Variants in NOS1AP observed in about 807,000 individuals in gnomAD.
NOS1AP encodes the protein nitric oxide synthase 1 adaptor protein.
Under a neutral mutation model 56.2 loss-of-function variants are expected in NOS1AP, and 21 were observed. The observed-to-expected ratio is 0.37, with a 90% CI of 0.26 to 0.54. NOS1AP has a LOEUF of 0.54. Among genes scored for constraint, NOS1AP ranks in the 20% least tolerant of loss-of-function variants. NOS1AP has a pLI of 0.84. For missense variants in NOS1AP, 522 were observed against 657.8 expected (o/e 0.79, Z 2.26); for synonymous variants, 270 against 274.6 (o/e 0.98, Z 0.17).
intron 1 of NOS1AP, among the ~76,000 whole-genome samples, chr1:162,084,767 A>G (rs1691967241): frequency 6.6e-6 from 1 of 151,910 alleles, no homozygotes; most frequent in Non-Finnish European, 1.5e-5. Flanking sequence ...ATGAAGCCTC[A>G]ACCTCCCAGG....
intron 2 of NOS1AP, among the ~76,000 whole-genome samples, chr1:162,285,505 A>G (rs1655061408): frequency 6.6e-6 from 1 of 152,190 alleles, no homozygotes; most frequent in African/African-American, 2.4e-5. Flanking sequence ...GTGCATGCCA[A>G]TCAAACCAAC....
chr1:162,259,997 T>A (rs1171691693), intron 2 of NOS1AP, among the ~76,000 whole-genome samples: 1 of 152,148 alleles, frequency 6.6e-6, no homozygotes, highest in Admixed American at 6.6e-5. Context: ...TCTTTTAGAA[T>A]CCCTTCTAGT....
intron 1 of NOS1AP, among the ~76,000 whole-genome samples, chr1:162,138,639 G>A (rs1649104452): frequency 6.6e-6 from 1 of 152,144 alleles, no homozygotes; most frequent in African/African-American, 2.4e-5. Flanking sequence ...CCATCCAGAA[G>A]GACTGAGCTT....
chr1:162,337,744 C>T (rs1282238672), intron 5 of NOS1AP, among the ~76,000 whole-genome samples: 1 of 152,144 alleles, frequency 6.6e-6, no homozygotes, highest in Non-Finnish European at 1.5e-5. Flanking sequence ...TGCAGTATGT[C>T]CTGTCAATGT....
chr1:162,137,682 GA>G (rs1406710164), intron 1 of NOS1AP, among the ~76,000 whole-genome samples: 1 of 151,954 alleles, frequency 6.6e-6, no homozygotes, highest in Non-Finnish European at 1.5e-5. Context: ...TCTGACGGAT[GA>G]AAAAACTCAT....
rs931182088 is a variant in NOS1AP at position 162,154,574 on chromosome 1, A to G, written c.177+98A>G. ...TGGAGGGGCCAAAATGGATGGCTAC[A>G]CCCCTTGCAAACCCAAACTCCTCCT... On this transcript the variant is annotated intron_variant, in intron 2 of 9. Coordinates refer to ENST00000361897, the MANE Select transcript of NOS1AP (RefSeq NM_014697.3). 1.0e-5 allele frequency: 11 copies of G among 1,098,052 alleles called. No individual in the cohort carries two copies. The African/African-American group carries it at 1.7e-4, about 17-fold the overall frequency. The allele number at this position is 1,098,052 out of a possible 1,614,324, so 68.0% of individuals were successfully genotyped here. A position where few individuals can be genotyped will look rare whatever the true frequency, so the allele number is the denominator to read the frequency against.
At chr1:162,319,651 G>T (rs1182227540) in intron 4 of NOS1AP, among the ~76,000 whole-genome samples, 4 of 151,990 alleles carry the variant, frequency 2.6e-5, no homozygotes. Flanking sequence ...TCCCAGATCT[G>T]CTCAGCAGCC....
At chr1:162,296,094 C>T (rs1266871075) in intron 3 of NOS1AP, among the ~76,000 whole-genome samples, 2 of 152,154 alleles carry the variant, frequency 1.3e-5, no homozygotes, top group Non-Finnish European at 2.9e-5. Flanking sequence ...CAAGACCAAC[C>T]TGGCCAACAT....
chr1:162,297,150 C>T (rs898804597), intron 3 of NOS1AP, among the ~76,000 whole-genome samples: 3 of 152,218 alleles, frequency 2.0e-5, no homozygotes, highest in Admixed American at 2.0e-4. Flanking sequence ...TTCAGACCCT[C>T]TTTGGGGCTG....
At chr1:162,096,148 C>T (rs1211639531) in intron 1 of NOS1AP, among the ~76,000 whole-genome samples, 2 of 152,202 alleles carry the variant, frequency 1.3e-5, no homozygotes, top group African/African-American at 4.8e-5. Flanking sequence ...ATTAATCAAG[C>T]ATCTCCTAAG....
chr1:162,348,109 G>A (rs547659776), intron 6 of NOS1AP, among the ~76,000 whole-genome samples: 4 of 152,290 alleles, frequency 2.6e-5, no homozygotes, highest in African/African-American at 7.2e-5. Flanking sequence ...GGGAGGGTAG[G>A]GACTTCCTAG....
chr1:162,352,106 C>T (rs1177543013), intron 6 of NOS1AP, among the ~76,000 whole-genome samples: 1 of 151,934 alleles, frequency 6.6e-6, no homozygotes, highest in East Asian at 1.9e-4. Flanking sequence ...ATTGCCCAGG[C>T]TGGAGTGCAG....
chr1:162,289,464 CTTTTCTTTTTTTTT>C (rs1655214077), intron 3 of NOS1AP, among the ~76,000 whole-genome samples: 1 of 45,050 alleles, frequency 2.2e-5, no homozygotes, highest in Non-Finnish European at 4.0e-5. Context: ...CGCCCAGCTA[CTTTTCTTTTTTTTT>C]TTTTTTTTTT....
chr1:162,082,568 G>T (rs951551238), intron 1 of NOS1AP, among the ~76,000 whole-genome samples: 3 of 152,124 alleles, frequency 2.0e-5, no homozygotes, highest in Admixed American at 1.3e-4. Flanking sequence ...GTCTATAAGG[G>T]TTCCTTTTTC....
At chr1:162,172,620 CATAT>C (rs1354593518) in intron 2 of NOS1AP, among the ~76,000 whole-genome samples, 6 of 152,160 alleles carry the variant, frequency 3.9e-5, no homozygotes, top group Non-Finnish European at 7.4e-5. Context: ...AGATTATTGT[CATAT>C]ATCACTATTT....
chr1:162,238,977 T>A (rs1034047793), intron 2 of NOS1AP, among the ~76,000 whole-genome samples: 1 of 152,214 alleles, frequency 6.6e-6, no homozygotes, highest in Non-Finnish European at 1.5e-5. Flanking sequence ...GGTAAGTTAA[T>A]CTGTAGACCT....
chr1:162,098,703 C>G (rs1692306497), intron 1 of NOS1AP, among the ~76,000 whole-genome samples: 1 of 152,074 alleles, frequency 6.6e-6, no homozygotes, highest in Non-Finnish European at 1.5e-5. Context: ...GTGTTTTTCC[C>G]CACCTTGTGT....
chr1:162,370,247 T>G lies in NOS1AP; in HGVS notation c.*2780T>G, dbSNP rs754233024. ...TCTGTAAAACCTCTTCCTAGCCTCA[T>G]TTCTCTCAACTGATCTTGTTTAGGC... On this transcript the variant is annotated 3_prime_UTR_variant, in exon 10 of 10. Transcript: ENST00000361897. 6.6e-6 allele frequency: 1 copy of G among 152,248 alleles called. No homozygotes were observed. The highest frequency in any genetic ancestry group is 1.5e-5 in the Non-Finnish European group (1 of 68,058). The allele number at this position is 152,248 out of a possible 1,614,324, so 9.4% of individuals were successfully genotyped here. A position where few individuals can be genotyped will look rare whatever the true frequency, so the allele number is the denominator to read the frequency against.
At chr1:162,193,312 G>A (rs1489469449) in intron 2 of NOS1AP, among the ~76,000 whole-genome samples, 1 of 152,144 alleles carries the variant, frequency 6.6e-6, no homozygotes, top group African/African-American at 2.4e-5. Flanking sequence ...AGGCTGAAGT[G>A]GAGGTAAGCT....
Sources: allele counts gnomAD v4.1 joint callset (sites outside exome capture counted in the v4.1 genomes callset), GRCh38; gene constraint gnomAD v4.1.1; transcripts MANE v1.5; gene names NCBI Gene and HGNC (gene_info 2026-07-23, HGNC 2026-07-21).